The following CARMIL1 variants were observed in gnomAD, a reference collection of about 807,000 sequenced individuals.
CARMIL1 encodes F-actin-uncapping protein LRRC16A.
CARMIL1 carries 90 observed loss-of-function variants against 177.1 expected under a neutral mutation model. The ratio of observed to expected loss-of-function variants is 0.51; its 90% CI spans 0.43 to 0.61. The LOEUF (loss-of-function observed/expected upper bound fraction) is 0.61, where lower values mean the gene tolerates loss of function less well. CARMIL1 is among the 20% of genes least tolerant of loss of function. The pLI is 0.00. For synonymous variants in CARMIL1, 577 were observed against 606.2 expected (o/e 0.95, Z 0.71); for missense variants, 1,380 against 1,667.0 (o/e 0.83, Z 3.00).
At chr6:25,552,771 G>C (rs1352029167) in intron 27 of CARMIL1, among the ~76,000 whole-genome samples, 1 of 152,164 alleles carries the variant, frequency 6.6e-6, no homozygotes, top group Non-Finnish European at 1.5e-5. Flanking sequence ...AGGAGAGAAA[G>C]AGAAACTATT....
intron 31 of CARMIL1, among the ~76,000 whole-genome samples, chr6:25,584,152 G>C (rs554183673): frequency 1.3e-5 from 2 of 148,628 alleles, no homozygotes; most frequent in African/African-American, 5.0e-5. Context: ...TCCCACCTCA[G>C]CCTCCTGAGT....
At position 25,594,471 on chromosome 6, in the gene CARMIL1, A is replaced by G. The variant is rs201848209; in HGVS notation, c.3063A>G (p.Arg1021=). ...QDGEQNGLMG[R]VDEGVDEFFT... ...GTGAACAGAATGGTCTCATGGGGAG[A>G]GTGGATGAAGGTGTAGATGAATTTT... The change falls in exon 32 of 37, where the codon AGA becomes AGG. Residue 1021 remains arginine, a synonymous_variant. Coordinates refer to ENST00000329474, the MANE Select transcript of CARMIL1 (RefSeq NM_017640.6). 1,901 of 1,613,506 alleles carry G rather than the reference A, an allele frequency of 1.2e-3. 2 individuals carry two copies. The highest frequency in any genetic ancestry group is 1.4e-3 in the Non-Finnish European group (1,643 of 1,179,616).
At chr6:25,418,686 T>TACA (rs1795573857) in intron 2 of CARMIL1, among the ~76,000 whole-genome samples, 2 of 152,214 alleles carry the variant, frequency 1.3e-5, no homozygotes, top group African/African-American at 4.8e-5. Flanking sequence ...GAGAAGGCAC[T>TACA]GGTTGCCTAC....
chr6:25,322,610 G>A (rs1236313333), intron 2 of CARMIL1, among the ~76,000 whole-genome samples: 3 of 152,112 alleles, frequency 2.0e-5, no homozygotes, highest in Non-Finnish European at 4.4e-5. Flanking sequence ...TTTACTAACT[G>A]TCTCCACATT....
rs542806836 is a variant in CARMIL1, at chr6:25,417,322, G to A, written c.139-2792G>A. On this transcript the variant is annotated intron_variant, in intron 2 of 36. Transcript: ENST00000329474. ...TCTTTATTACTGTCATGCTTCTTTT[G>A]ATTATCTGATGCCTGTTATCCAACC... Among the ~76,000 whole-genome samples the A allele has an allele frequency of 4.6e-5, 7 of 152,112 alleles. No individual in the cohort carries two copies. The East Asian group carries it at 1.4e-3, about 29-fold the overall frequency.
intron 12 of CARMIL1, among the ~76,000 whole-genome samples, chr6:25,483,923 A>G (rs934360810): frequency 1.1e-4 from 17 of 151,762 alleles, no homozygotes; most frequent in Non-Finnish European, 2.5e-4. Context: ...GTGCACTACC[A>G]CACCCTGCTA....
At chr6:25,581,956 C>T (rs989491452) in intron 31 of CARMIL1, among the ~76,000 whole-genome samples, 1 of 152,198 alleles carries the variant, frequency 6.6e-6, no homozygotes, top group African/African-American at 2.4e-5. Flanking sequence ...CCTCTTTCTA[C>T]TCCAGTAGAA....
At chr6:25,585,414 G>A (rs1325683505) in intron 31 of CARMIL1, among the ~76,000 whole-genome samples, 1 of 152,128 alleles carries the variant, frequency 6.6e-6, no homozygotes, top group Non-Finnish European at 1.5e-5. Flanking sequence ...AATTGTCAGC[G>A]CCAAGGCTGA....
At chr6:25,371,649 AT>A (rs1422942527) in intron 2 of CARMIL1, among the ~76,000 whole-genome samples, 3 of 152,100 alleles carry the variant, frequency 2.0e-5, no homozygotes, top group Non-Finnish European at 4.4e-5. Flanking sequence ...TTACTTGTAG[AT>A]TGTGGGTATT....
intron 4 of CARMIL1, among the ~76,000 whole-genome samples, chr6:25,431,542 G>A (rs1796792192): frequency 6.6e-6 from 1 of 151,872 alleles, no homozygotes; most frequent in African/African-American, 2.4e-5. Context: ...ACATAACAAG[G>A]GTCTTCTCGG....
chr6:25,570,538 G>C (rs1811983692), intron 29 of CARMIL1, among the ~76,000 whole-genome samples: 1 of 152,130 alleles, frequency 6.6e-6, no homozygotes, highest in South Asian at 2.1e-4. Flanking sequence ...GGCATTTCCT[G>C]TTTCCTGGAG....
intron 2 of CARMIL1, among the ~76,000 whole-genome samples, chr6:25,407,840 T>C: frequency 6.6e-6 from 1 of 152,190 alleles, no homozygotes; most frequent in East Asian, 1.9e-4. Context: ...AGTACCTGAA[T>C]AAGGGAACTA....
At chr6:25,377,570 G>T (rs12203442) in intron 2 of CARMIL1, among the ~76,000 whole-genome samples, 11,849 of 152,242 alleles carry the variant, frequency 0.078, 540 homozygotes, top group Non-Finnish European at 0.1. Context: ...TATCCCAGCA[G>T]TGGGTACCAG....
intron 2 of CARMIL1, among the ~76,000 whole-genome samples, chr6:25,417,195 G>T (rs4712936): frequency 0.94 from 143,432 of 152,240 alleles, 67,594 homozygotes; most frequent in East Asian, 1. Context: ...ATTTCATCCT[G>T]TAAGATGAGT....
chr6:25,496,745 G>A (rs998986366), intron 16 of CARMIL1, among the ~76,000 whole-genome samples: 1 of 152,164 alleles, frequency 6.6e-6, no homozygotes, highest in South Asian at 2.1e-4. Flanking sequence ...GACACCGGAT[G>A]ACAGGATAGG....
intron 26 of CARMIL1, among the ~76,000 whole-genome samples, chr6:25,547,986 C>T (rs931413013): frequency 1.3e-5 from 2 of 151,832 alleles, no homozygotes; most frequent in Admixed American, 1.3e-4. Context: ...TATTCTGGCC[C>T]AGAGGGGAAA....
chr6:25,474,858 A>G (rs1801400996), intron 11 of CARMIL1, among the ~76,000 whole-genome samples: 1 of 152,194 alleles, frequency 6.6e-6, no homozygotes, highest in South Asian at 2.1e-4. Context: ...AAAAATCTCT[A>G]GAGGGAGGTA....
chr6:25,384,628 T>C (rs1319242793), intron 2 of CARMIL1, among the ~76,000 whole-genome samples: 1 of 152,248 alleles, frequency 6.6e-6, no homozygotes, highest in African/African-American at 2.4e-5. Context: ...CAAACATTGC[T>C]ATTTTTAGAT....
At position 25,515,149 on chromosome 6, in the gene CARMIL1, A is replaced by G. The variant is rs557551935; in HGVS notation, c.1633-526A>G. On this transcript the variant is annotated intron_variant, in intron 20 of 36. Transcript: ENST00000329474. The surrounding 1 kb of genome is among the most constrained non-coding windows in gnomAD (Gnocchi z 5.0). ...TGGGGATAACAGTAGCATCTAAGCA[A>G]TGGGTTAGTGGGAAGATTAAGTGAA... Among the ~76,000 whole-genome samples the G allele has an allele frequency of 5.3e-5, 8 of 152,278 alleles. No homozygotes were observed. In the East Asian group the frequency reaches 7.7e-4, roughly 15 times the overall value.
Sources: gnomAD v4.1 joint callset for allele counts (sites outside exome capture counted in the v4.1 genomes callset) on GRCh38, gnomAD v4.1.1 for gene constraint, Gnocchi (gnomAD v3.1) non-coding constraint, MANE v1.5 for transcripts, NCBI Gene and HGNC (gene_info 2026-07-23, HGNC 2026-07-21) for gene names.